Variants in SPEG observed in about 807,000 individuals in gnomAD.
SPEG encodes the protein striated muscle enriched protein kinase.
SPEG carries 114 observed loss-of-function variants against 300.4 expected under a neutral mutation model. The ratio of observed to expected loss-of-function variants is 0.38; its 90% confidence interval spans 0.33 to 0.44. SPEG has a LOEUF of 0.44. Ranked by LOEUF, SPEG falls within the 20% of genes least tolerant of loss-of-function variation. SPEG has a pLI of 1.00. For missense variants in SPEG, 4,201 were observed against 4,586.2 expected (o/e 0.92, Z 2.43); for synonymous variants, 1,964 against 2,018.9 (o/e 0.97, Z 0.73).
chr2:219,456,374 T>C (rs2125348476), intron 6 of SPEG, among the ~76,000 whole-genome samples: 1 of 152,332 alleles, frequency 6.6e-6, no homozygotes, highest in East Asian at 1.9e-4. Context: ...CCATCGTCAG[T>C]CCTCGATGGG....
chr2:219,468,832 C>G (rs371290913), intron 11 of SPEG, 27 bp from the exon 12 acceptor site: 4 of 1,608,560 alleles, frequency 2.5e-6, no homozygotes, highest in East Asian at 4.5e-5. Flanking sequence ...TGTGCCTGCT[C>G]TGCATTCCCA....
At position 219,468,956 on chromosome 2, in the gene SPEG, C is replaced by T; in HGVS notation, c.3399C>T (p.Leu1133=). 1.9e-6 allele frequency: 3 copies of T among 1,614,014 alleles called. No individual in the cohort carries two copies. Among genetic ancestry groups the T allele is most frequent in the Non-Finnish European group, 2.5e-6 (3 of 1,180,004 alleles). Residue 1133 remains leucine (L), a synonymous_variant, in exon 12 of 41, where the codon CTC becomes CTT. Transcript: ENST00000312358. The part of the protein sequence containing the change: ...IAHVGSEDEG[L]YAVSAVNTHG... Reference sequence around the variant, plus strand: ...ATGTGGGCAGCGAGGACGAGGGGCTCTATGCGGTCAGTGCTGTTAACACCC... The same window carrying T: ...ATGTGGGCAGCGAGGACGAGGGGCTTTATGCGGTCAGTGCTGTTAACACCC...
chr2:219,490,791 G>C lies in SPEG; in HGVS notation c.9220G>C (p.Asp3074His), dbSNP rs373312375. ...CATGGTGCAGCTGCTACAAGGCCTGGACTACCTCCACGGCCACCACGTGCT... is the reference window on the plus strand; with the variant it reads ...CATGGTGCAGCTGCTACAAGGCCTGCACTACCTCCACGGCCACCACGTGCT... The part of the protein sequence containing the change: ...TYMVQLLQGL[D>H]YLHGHHVLHL... Residue 3074 changes from aspartate (D) to histidine (H), a missense_variant, in exon 38 of 41, where the codon GAC becomes CAC. Asp to His is a moderately conservative substitution (Grantham distance 81). This residue lies in a region of SPEG where 318 missense variants were observed against 429.5 expected (regional missense o/e 0.74). Coordinates refer to ENST00000312358, the MANE Select transcript of SPEG (RefSeq NM_005876.5). 6.2e-7 allele frequency: 1 copy of C among 1,614,106 alleles called. No individual in the cohort carries two copies. Among genetic ancestry groups the C allele is most frequent in the Non-Finnish European group, 8.5e-7 (1 of 1,180,032 alleles).
At chr2:219,447,942 A>G in intron 3 of SPEG, 32 bp from the exon 4 acceptor site, 1 of 1,602,344 alleles carries the variant, frequency 6.2e-7, no homozygotes, top group Non-Finnish European at 8.5e-7. Flanking sequence ...GGCCCCCTGA[A>G]TCCTCTACCC....
chr2:219,486,705 C>T (rs996312237), intron 31 of SPEG, among the ~76,000 whole-genome samples: 2 of 152,110 alleles, frequency 1.3e-5, no homozygotes, highest in East Asian at 1.9e-4. Flanking sequence ...CTGTCCCAGG[C>T]TACTTTAACA....
intron 9 of SPEG, chr2:219,466,010 C>T (rs1312901296): frequency 6.4e-7 from 1 of 1,554,702 alleles, no homozygotes; most frequent in Admixed American, 1.7e-5. Flanking sequence ...TGCGCGTATG[C>T]TGCACTAACC....
rs868868258 is a variant in SPEG at position 219,489,750 on chromosome 2, C to T, written c.8732C>T (p.Pro2911Leu). The change falls in exon 36 of 41, where the codon CCA becomes CTA. Residue 2911 changes from proline to leucine, a missense_variant. Physicochemically the swap from Pro to Leu is moderately conservative, Grantham distance 98. Transcript: ENST00000312358. Reference sequence around the variant, plus strand: ...GTGACTTCCTTTGTGTCTGCACCACCAGCCCCTGAGCCCCCAGCCCCTGAG... The same window carrying T: ...GTGACTTCCTTTGTGTCTGCACCACTAGCCCCTGAGCCCCCAGCCCCTGAG... ...YVVTSFVSAP[P>L]APEPPAPEPP... 3.7e-6 allele frequency: 6 copies of T among 1,613,636 alleles called. No homozygotes were observed. Among genetic ancestry groups the T allele is most frequent in the Admixed American group, 3.3e-5 (2 of 60,006 alleles).
chr2:219,479,871 G>T lies in SPEG; in HGVS notation c.5163+11G>T, dbSNP rs769581972. 1.2e-6 allele frequency: 2 copies of T among 1,613,984 alleles called. No homozygotes were observed. Among genetic ancestry groups the T allele is most frequent in the East Asian group, 2.2e-5 (1 of 44,894 alleles). On this transcript the variant is annotated intron_variant, in intron 24 of 40. Coordinates refer to ENST00000312358, the MANE Select transcript of SPEG (RefSeq NM_005876.5). This position sits in a 1 kb window ranked among gnomAD's most constrained non-coding sequence, Gnocchi z 5.5. ...CACCTCGATGTCAAGGTGAGGTGGG[G>T]ACTGGAGAGCAGACAGCCCCTGTGG...
chr2:219,461,063 G>A, intron 6 of SPEG: 1 of 942,500 alleles, frequency 1.1e-6, no homozygotes, highest in Non-Finnish European at 1.3e-6. Context: ...CTAGGGGGCT[G>A]TGGCAGTTTC....
chr2:219,448,516 C>G lies in SPEG; in HGVS notation c.1358C>G (p.Ser453Trp). ...GCACCGTGGGGCACCCCCGGGGCCT[C>G]GCAGGAAGAACTGCGGGCGCCAGGC... The part of the protein sequence containing the change: ...RGAPWGTPGA[S>W]QEELRAPGSV... The change falls in exon 4 of 41, where the codon TCG becomes TGG. Residue 453 changes from serine to tryptophan, a missense_variant. Physicochemically the swap from Ser to Trp is radical, Grantham distance 177. Transcript: ENST00000312358. 1 of 1,448,694 alleles carries G rather than the reference C, an allele frequency of 6.9e-7. No homozygotes were observed. 89.7% of individuals were successfully genotyped at this position (1,448,694 alleles called of 1,614,324 possible).
rs1270520029 is a variant in SPEG, at chr2:219,477,046, G to A, written c.4560+64G>A. Reference sequence around the variant, plus strand: ...AGGGGCTCCCTGGGGGCGTGGGAGGGTCCTGGAAGGCCTTAGGAGGGCGGA... The same window carrying A: ...AGGGGCTCCCTGGGGGCGTGGGAGGATCCTGGAAGGCCTTAGGAGGGCGGA... On this transcript the variant is annotated intron_variant, in intron 19 of 40. Coordinates refer to ENST00000312358, the MANE Select transcript of SPEG (RefSeq NM_005876.5). This position sits in a 1 kb window ranked among gnomAD's most constrained non-coding sequence, Gnocchi z 6.4. 1 of 1,415,430 alleles carries A rather than the reference G, an allele frequency of 7.1e-7. No individual in the cohort carries two copies. The highest frequency in any genetic ancestry group is 2.3e-5 in the East Asian group (1 of 43,798). The allele number at this position is 1,415,430 out of a possible 1,614,324, so 87.7% of individuals were successfully genotyped here.
rs749872640 is a variant in SPEG at position 219,469,365 on chromosome 2, G to A, written c.3701G>A (p.Arg1234Gln). 5.6e-6 allele frequency: 9 copies of A among 1,613,452 alleles called. No homozygotes were observed. The highest frequency in any genetic ancestry group is 2.2e-5 in the East Asian group (1 of 44,880). Reference sequence around the variant, plus strand: ...CACCGCATCCAGAGCAGCGACGACCGGCGCATGACACAGTGTACGTGTCTG... The same window carrying A: ...CACCGCATCCAGAGCAGCGACGACCAGCGCATGACACAGTGTACGTGTCTG... Reference protein sequence around the residue: ...NGHRIQSSDDRRMTQYRDVHR... With the variant: ...NGHRIQSSDDQRMTQYRDVHR... The change falls in exon 13 of 41, where the codon CGG becomes CAG. Residue 1234 changes from arginine (R) to glutamine (Q), a missense_variant. Transcript: ENST00000312358.
intron 1 of SPEG, among the ~76,000 whole-genome samples, chr2:219,436,430 T>A (rs1406207450): frequency 6.6e-6 from 1 of 152,236 alleles, no homozygotes; most frequent in Non-Finnish European, 1.5e-5. Context: ...TCTGAGGAAG[T>A]AGGCTACAGC....
At position 219,448,862 on chromosome 2, in the gene SPEG, T is replaced by TGGGAGGCCC. The variant is rs1427884710; in HGVS notation, c.1705_1713dup (p.Gly569_Pro571dup). ...GCGCGGAGAAGCCGGGGGACGAGCC[T>TGGGAGGCCC]GGGAGGCCCAGGAGCCGCGGGCCGG... On this transcript the variant is annotated inframe_insertion, in exon 4 of 41. Coordinates refer to ENST00000312358, the MANE Select transcript of SPEG (RefSeq NM_005876.5). 1 of 1,403,324 alleles carries TGGGAGGCCC rather than the reference T, an allele frequency of 7.1e-7. No homozygotes were observed. Among genetic ancestry groups the TGGGAGGCCC allele is most frequent in the Non-Finnish European group, 9.2e-7 (1 of 1,087,374 alleles). The allele number at this position is 1,403,324 out of a possible 1,614,324, so 86.9% of individuals were successfully genotyped here.
chr2:219,450,906 C>T (rs757663105), intron 4 of SPEG: 39 of 459,704 alleles, frequency 8.5e-5, no homozygotes, highest in Non-Finnish European at 1.4e-4. Flanking sequence ...AACGGCCACA[C>T]TAACATGGAG....
In SPEG at chr2:219,483,388, G is replaced by A. The variant is rs751166275; in HGVS notation, c.5925G>A (p.Glu1975=). The A allele has an allele frequency of 1.6e-5, 25 of 1,597,808 alleles. No homozygotes were observed. The African/African-American group carries it at 3.1e-4, about 20-fold the overall frequency. ...CTGCCACCCCCATGGACTGGCAGGA[G>A]CAGGGAAGGGCTCCCTCTCAGGACC... is the stretch of plus-strand genomic sequence containing the variant. The part of the protein sequence containing the change: ...TGAATPMDWQ[E]QGRAPSQDQE... Residue 1975 remains glutamate, a synonymous_variant, in exon 30 of 41, where the codon GAG becomes GAA. Coordinates refer to ENST00000312358, the MANE Select transcript of SPEG (RefSeq NM_005876.5).
In SPEG at chr2:219,492,920, T is replaced by C. The variant is rs990179853; in HGVS notation, c.*134T>C. On this transcript the variant is annotated 3_prime_UTR_variant, in exon 41 of 41. Transcript: ENST00000312358. ...CCAGCAGCAACATCTGGCTGGGCTC[T>C]TACCTCATAGACCTTCAAGGACAGA... is the stretch of plus-strand genomic sequence containing the variant. 4.2e-6 allele frequency: 4 copies of C among 955,860 alleles called. No homozygotes were observed. Among genetic ancestry groups the C allele is most frequent in the Non-Finnish European group, 6.5e-6 (4 of 618,460 alleles). 59.2% of individuals were successfully genotyped at this position (955,860 alleles called of 1,614,324 possible).
In SPEG at chr2:219,463,392, A is replaced by ATTTTTT. The variant is rs71040459; in HGVS notation, c.2706-1008_2706-1003dup. Among the ~76,000 whole-genome samples the ATTTTTT allele has an allele frequency of 2.3e-3, 55 of 23,946 alleles. 17 individuals carry two copies. The highest frequency in any genetic ancestry group is 5.1e-3 in the East Asian group (2 of 392). The allele number at this position is 23,946 out of a possible 152,430, so 15.7% of individuals were successfully genotyped here. A position where few individuals can be genotyped will look rare whatever the true frequency, so the allele number is the denominator to read the frequency against. ...AATTGATTGTCTGGTCCCCACTGTG[A>ATTTTTT]TTTTTTTTTTTTTTTTTTTTTTTTT... On this transcript the variant is annotated intron_variant, in intron 8 of 40. Transcript: ENST00000312358.
At position 219,473,318 on chromosome 2, in the gene SPEG, C is replaced by A; in HGVS notation, c.4148-186C>A. ...TGGGATCGGGCCTGCTGGGGTCCAA[C>A]CCCACAACCTCAGCTTTGCTGCTCT... On this transcript the variant is annotated intron_variant, in intron 16 of 40. Transcript: ENST00000312358. The surrounding 1 kb of genome is among the most constrained non-coding windows in gnomAD (Gnocchi z 4.6). 1 of 757,560 alleles carries A rather than the reference C, an allele frequency of 1.3e-6. No homozygotes were observed. Among genetic ancestry groups the A allele is most frequent in the Non-Finnish European group, 2.1e-6 (1 of 471,342 alleles). The allele number at this position is 757,560 out of a possible 1,614,324, so 46.9% of individuals were successfully genotyped here. A position where few individuals can be genotyped will look rare whatever the true frequency, so the allele number is the denominator to read the frequency against.
Sources: allele counts gnomAD v4.1 joint callset (sites outside exome capture counted in the v4.1 genomes callset), GRCh38; gene constraint gnomAD v4.1.1; regional missense constraint gnomAD v4.1.1; non-coding constraint Gnocchi (gnomAD v3.1); transcripts MANE v1.5; gene names NCBI Gene and HGNC (gene_info 2026-07-23, HGNC 2026-07-21).